The following GRIP1 variants were observed in gnomAD, a reference collection of about 807,000 sequenced individuals.
GRIP1 encodes glutamate receptor interacting protein 1, also known as glutamate receptor-interacting protein 1.
GRIP1 carries 45 observed loss-of-function variants against 129.9 expected under a neutral mutation model. That is an observed-to-expected ratio of 0.35 (90% CI 0.27 to 0.44). The LOEUF is 0.44. Among genes scored for constraint, GRIP1 ranks in the 20% least tolerant of loss-of-function variants. The pLI, the probability that GRIP1 is intolerant of heterozygous loss-of-function variation, is 1.00. For missense variants in GRIP1, 1,196 were observed against 1,396.8 expected, an observed-to-expected ratio of 0.86 and a Z score of 2.29; for synonymous variants, 530 against 520.8, an observed-to-expected ratio of 1.02 and a Z score of -0.24.
At chr12:66,376,658 CTACTT>C (rs750616547) in intron 22 of GRIP1, among the ~76,000 whole-genome samples, 2 of 152,246 alleles carry the variant, frequency 1.3e-5, no homozygotes, top group African/African-American at 2.4e-5. Context: ...GCATTGTCAT[CTACTT>C]TAAGGACAAA....
rs921491637 is a variant in GRIP1, at chr12:66,444,442, C to T, written c.1687+142G>A. The T allele has an allele frequency of 1.5e-4, 101 of 667,874 alleles. No homozygotes were observed. In the South Asian group the frequency reaches 1.6e-3, roughly 10 times the overall value. The allele number at this position is 667,874 out of a possible 1,614,324, so 41.4% of individuals were successfully genotyped here. The stretch of plus-strand genomic sequence containing the variant: ...TGGAGCTTGCAGTGAGCCGAGATTG[C>T]GCCACTGCAGTCCGCAGTCCAGCCT... On this transcript the variant is annotated intron_variant, in intron 13 of 24. Transcript: ENST00000359742.
At chr12:66,493,564 T>C (rs1188928986) in intron 7 of GRIP1, among the ~76,000 whole-genome samples, 1 of 152,128 alleles carries the variant, frequency 6.6e-6, no homozygotes, top group African/African-American at 2.4e-5. Context: ...TAACAGAAAT[T>C]GAGGGAACTC....
chr12:66,845,029 G>T (rs1411274512), intron 1 of GRIP1, among the ~76,000 whole-genome samples: 2 of 152,152 alleles, frequency 1.3e-5, no homozygotes, highest in Non-Finnish European at 2.9e-5. Context: ...GTGTTCTAGA[G>T]ATTGGTTGTA....
chr12:66,890,248 G>A lies in GRIP1; in HGVS notation c.58+178802C>T, dbSNP rs114643444. 2.2e-3 allele frequency among the ~76,000 whole-genome samples: 330 copies of A among 152,262 alleles called. 2 individuals are homozygous for A. Among genetic ancestry groups the A allele is most frequent in the African/African-American group, 7.5e-3 (311 of 41,558 alleles). ...CCGGCCAGCTCAGAGAACTTAAAAT[G>A]CTCGTGAACATAGCCATTTGGTGGC... On this transcript the variant is annotated intron_variant, in intron 1 of 1. Transcript: ENST00000643019.
chr12:66,398,134 C>G (rs891369256), intron 16 of GRIP1, among the ~76,000 whole-genome samples: 1 of 152,180 alleles, frequency 6.6e-6, no homozygotes, highest in Admixed American at 6.5e-5. Context: ...TCCTCCTAAA[C>G]AGTTTTCCTG....
rs185708669 is a variant in GRIP1, at chr12:66,352,900, G to A, written c.3159+517C>T. Among the ~76,000 whole-genome samples, 14 of 152,206 alleles carry A rather than the reference G, an allele frequency of 9.2e-5. 1 individual carries two copies. The highest frequency in any genetic ancestry group is 9.6e-5 in the African/African-American group (4 of 41,498). Reference sequence around the variant, plus strand: ...GAATCTCTTGAACCTGCAAGGTGGCGGTTGCAGTGAACCAAGATCACGCCA... The same window carrying A: ...GAATCTCTTGAACCTGCAAGGTGGCAGTTGCAGTGAACCAAGATCACGCCA... On this transcript the variant is annotated intron_variant, in intron 24 of 24. Transcript: ENST00000359742.
intron 9 of GRIP1, among the ~76,000 whole-genome samples, chr12:66,461,074 T>A (rs1473048707): frequency 6.6e-6 from 1 of 152,180 alleles, no homozygotes; most frequent in Non-Finnish European, 1.5e-5. Context: ...ACAAACGACA[T>A]CAGGTTTTCC....
chr12:66,762,493 T>A (rs2037506544), intron 1 of GRIP1, among the ~76,000 whole-genome samples: 1 of 151,900 alleles, frequency 6.6e-6, no homozygotes. Flanking sequence ...TTTCTCCTTA[T>A]TGTTAATTTC....
At chr12:67,066,660 T>C (rs897189561) in intron 1 of GRIP1, among the ~76,000 whole-genome samples, 3 of 152,038 alleles carry the variant, frequency 2.0e-5, no homozygotes, top group African/African-American at 7.2e-5. Flanking sequence ...AACCTGACAG[T>C]TTAATCTTTT....
intron 5 of GRIP1, among the ~76,000 whole-genome samples, chr12:66,524,950 G>A (rs1402662139): frequency 2.6e-5 from 4 of 152,036 alleles, no homozygotes; most frequent in African/African-American, 4.8e-5. Context: ...TACATTCCTC[G>A]ACACATACAC....
intron 1 of GRIP1, among the ~76,000 whole-genome samples, chr12:66,619,296 G>C (rs1337032100): frequency 6.6e-6 from 1 of 152,036 alleles, no homozygotes; most frequent in African/African-American, 2.4e-5. Context: ...TTTTGGATGG[G>C]CACATTATGT....
intron 15 of GRIP1, among the ~76,000 whole-genome samples, chr12:66,415,025 A>C (rs1000701750): frequency 6.6e-6 from 1 of 151,662 alleles, no homozygotes; most frequent in African/African-American, 2.4e-5. Flanking sequence ...CAAAATTATA[A>C]AAACCCTAGA....
chr12:67,029,775 C>T (rs1362084576), intron 1 of GRIP1, among the ~76,000 whole-genome samples: 3 of 152,026 alleles, frequency 2.0e-5, no homozygotes, highest in Non-Finnish European at 4.4e-5. Context: ...ACTAGTGATA[C>T]TGCAGGCAAT....
intron 1 of GRIP1, among the ~76,000 whole-genome samples, chr12:66,991,272 CA>C (rs200928675): frequency 2.0e-5 from 3 of 148,968 alleles, no homozygotes; most frequent in African/African-American, 4.9e-5. Context: ...GACTCCGTCT[CA>C]AAAAAAAAGG....
intron 7 of GRIP1, among the ~76,000 whole-genome samples, chr12:66,515,272 A>T (rs61631471): frequency 0.042 from 6,315 of 151,554 alleles, 405 homozygotes; most frequent in African/African-American, 0.15. Context: ...GTAATAATAA[A>T]AAAAAAAAGT....
intron 1 of GRIP1, among the ~76,000 whole-genome samples, chr12:66,662,331 TC>T (rs1369754269): frequency 6.6e-6 from 1 of 152,020 alleles, no homozygotes; most frequent in African/African-American, 2.4e-5. Flanking sequence ...TCTCTCCACT[TC>T]CCCATTCTAC....
At chr12:66,804,023 A>G (rs1462012621) in intron 1 of GRIP1, 3 of 431,922 alleles carry the variant, frequency 6.9e-6, no homozygotes, top group African/African-American at 6.1e-5. Flanking sequence ...GCATGCGAGA[A>G]GGAACCGGAG....
Position 66,515,782 on chromosome 12 carries a change from GAAT to G in GRIP1, c.579-21_579-19del. The G allele has an allele frequency of 6.2e-7, 1 of 1,609,994 alleles. No individual in the cohort carries two copies. Among genetic ancestry groups the G allele is most frequent in the Non-Finnish European group, 8.5e-7 (1 of 1,176,470 alleles). On this transcript the variant is annotated intron_variant, in intron 6 of 24. Coordinates refer to ENST00000359742, the MANE Select transcript of GRIP1 (RefSeq NM_001366722.1). Reference sequence around the variant, plus strand: ...TGCCCTCTCTGAAGGGAGAATAAAGGAATAGTCTTGATTAATTTAGCATAATGG... The same window carrying G: ...TGCCCTCTCTGAAGGGAGAATAAAGGAGTCTTGATTAATTTAGCATAATGG...
intron 1 of GRIP1, among the ~76,000 whole-genome samples, chr12:66,870,537 A>C (rs1355836690): frequency 2.6e-5 from 4 of 152,160 alleles, no homozygotes; most frequent in Admixed American, 2.6e-4. Context: ...TGTTAGACTG[A>C]AGTCAGTTGT....
Sources: allele counts gnomAD v4.1 joint callset (sites outside exome capture counted in the v4.1 genomes callset), GRCh38; gene constraint gnomAD v4.1.1; transcripts MANE v1.5; gene names NCBI Gene and HGNC (gene_info 2026-07-23, HGNC 2026-07-21).